ZNF862: variants seen among roughly 807,000 people sequenced by gnomAD.
The protein encoded by ZNF862 is zinc finger protein 862.
In ZNF862, 64 loss-of-function variants were observed where a neutral mutation model predicts 91.1. That is an observed-to-expected ratio of 0.70 (90% CI 0.57 to 0.87). The LOEUF (loss-of-function observed/expected upper bound fraction) is 0.87, where lower values mean the gene tolerates loss of function less well. Among genes scored for constraint, ZNF862 ranks in the 40% least tolerant of loss-of-function variants. The pLI is 0.00. For synonymous variants in ZNF862, 631 were observed against 618.1 expected (o/e 1.02, Z -0.31); for missense variants, 1,459 against 1,528.0 (o/e 0.95, Z 0.75).
intron 5 of ZNF862, among the ~76,000 whole-genome samples, chr7:149,852,923 T>C (rs1663589466): frequency 6.6e-6 from 1 of 152,088 alleles, no homozygotes; most frequent in Admixed American, 6.5e-5. Context: ...GGGAAGGCGT[T>C]GTGTCACTCA....
In ZNF862 at chr7:149,864,845, T is replaced by G. The variant is rs1802658522; in HGVS notation, c.*561T>G. ...AACTCTACCTCTTCCCAGGGCTTCCTTTAGGGCGAAACAATCACAAGCCCT... is the reference window on the plus strand; with the variant it reads ...AACTCTACCTCTTCCCAGGGCTTCCGTTAGGGCGAAACAATCACAAGCCCT... On this transcript the variant is annotated 3_prime_UTR_variant, in exon 8 of 8. Coordinates refer to ENST00000223210, the MANE Select transcript of ZNF862 (RefSeq NM_001099220.3). The G allele has an allele frequency of 6.5e-6, 1 of 153,096 alleles. No homozygotes were observed. Among genetic ancestry groups the G allele is most frequent in the African/African-American group, 2.4e-5 (1 of 41,434 alleles). 9.5% of individuals were successfully genotyped at this position (153,096 alleles called of 1,614,324 possible). A position where few individuals can be genotyped will look rare whatever the true frequency, so the allele number is the denominator to read the frequency against.
At position 149,864,355 on chromosome 7, in the gene ZNF862, G is replaced by A; in HGVS notation, c.*71G>A. 1 of 1,463,008 alleles carries A rather than the reference G, an allele frequency of 6.8e-7. No individual in the cohort carries two copies. The highest frequency in any genetic ancestry group is 1.3e-5 in the South Asian group (1 of 74,306). The allele number at this position is 1,463,008 out of a possible 1,614,324, so 90.6% of individuals were successfully genotyped here. A position where few individuals can be genotyped will look rare whatever the true frequency, so the allele number is the denominator to read the frequency against. On this transcript the variant is annotated 3_prime_UTR_variant, in exon 8 of 8. Coordinates refer to ENST00000223210, the MANE Select transcript of ZNF862 (RefSeq NM_001099220.3). ...ACTGGGACAGGCTCTGCAGATTCTA[G>A]GCTGCCCTAGGATCTTCTGCTGGTG...
intron 1 of ZNF862, among the ~76,000 whole-genome samples, chr7:149,838,935 C>T (rs974960596): frequency 1.1e-4 from 17 of 152,210 alleles, no homozygotes; most frequent in African/African-American, 3.9e-4. Flanking sequence ...CTGTTTTCCC[C>T]ACCACCTTCG....
chr7:149,841,121 C>CA (rs1320637003), intron 1 of ZNF862: 1 of 985,282 alleles, frequency 1.0e-6, no homozygotes, highest in Non-Finnish European at 1.2e-6. Context: ...AAAGTAATTA[C>CA]AAAACCAACT....
In ZNF862 at chr7:149,850,448, A is replaced by C. The variant is rs1286409878; in HGVS notation, c.1117+110A>C. 1 of 1,172,784 alleles carries C rather than the reference A, an allele frequency of 8.5e-7. No individual in the cohort carries two copies. The highest frequency in any genetic ancestry group is 1.2e-6 in the Non-Finnish European group (1 of 846,870). The allele number at this position is 1,172,784 out of a possible 1,614,324, so 72.6% of individuals were successfully genotyped here. A position where few individuals can be genotyped will look rare whatever the true frequency, so the allele number is the denominator to read the frequency against. On this transcript the variant is annotated intron_variant, in intron 5 of 7. Coordinates refer to ENST00000223210, the MANE Select transcript of ZNF862 (RefSeq NM_001099220.3). The surrounding 1 kb of genome is among the most constrained non-coding windows in gnomAD (Gnocchi z 4.2). ...CCATTCCTGCCCCCTCCCTGTGTGT[A>C]GGCAGAGACCGATCCTGTCTTTTGC... is the stretch of plus-strand genomic sequence containing the variant.
At chr7:149,846,704 A>T (rs1365547996) in intron 3 of ZNF862, among the ~76,000 whole-genome samples, 1 of 152,190 alleles carries the variant, frequency 6.6e-6, no homozygotes, top group African/African-American at 2.4e-5. Flanking sequence ...GCCAGGCCAG[A>T]TGACATCTTG....
In ZNF862 at chr7:149,865,718, T is replaced by C. The variant is rs1053754732; in HGVS notation, c.*1434T>C. 6.6e-6 allele frequency: 1 copy of C among 152,172 alleles called. No individual in the cohort carries two copies. Among genetic ancestry groups the C allele is most frequent in the Admixed American group, 6.5e-5 (1 of 15,282 alleles). 9.4% of individuals were successfully genotyped at this position (152,172 alleles called of 1,614,324 possible). On this transcript the variant is annotated 3_prime_UTR_variant, in exon 8 of 8. Coordinates refer to ENST00000223210, the MANE Select transcript of ZNF862 (RefSeq NM_001099220.3). Reference sequence around the variant, plus strand: ...GTTTCTCTGCCCTGCCTGATACTTGTTTTAAACAGGCAGGAAGTGGGCGCC... The same window carrying C: ...GTTTCTCTGCCCTGCCTGATACTTGCTTTAAACAGGCAGGAAGTGGGCGCC...
chr7:149,855,277 G>A lies in ZNF862; in HGVS notation c.1118-4145G>A, dbSNP rs1361552978. On this transcript the variant is annotated intron_variant, in intron 5 of 7. Coordinates refer to ENST00000223210, the MANE Select transcript of ZNF862 (RefSeq NM_001099220.3). This position sits in a 1 kb window ranked among gnomAD's most constrained non-coding sequence, Gnocchi z 4.1. ...TTTCTGTAAATTTGAAATTATATCA[G>A]AGATTTACCAAAAGGAAAATGTAGG... is the stretch of plus-strand genomic sequence containing the variant. 6.6e-6 allele frequency among the ~76,000 whole-genome samples: 1 copy of A among 152,134 alleles called. No homozygotes were observed. Among genetic ancestry groups the A allele is most frequent in the Non-Finnish European group, 1.5e-5 (1 of 68,034 alleles).
intron 7 of ZNF862, among the ~76,000 whole-genome samples, chr7:149,863,528 A>G (rs1802595292): frequency 6.6e-6 from 1 of 152,182 alleles, no homozygotes; most frequent in African/African-American, 2.4e-5. Context: ...CCTCACTGAT[A>G]AGAGAAAGGG....
intron 5 of ZNF862, among the ~76,000 whole-genome samples, chr7:149,854,529 C>T (rs542561539): frequency 6.6e-6 from 1 of 152,226 alleles, no homozygotes; most frequent in South Asian, 2.1e-4. Context: ...TTTCTGCTGC[C>T]CCATTTCAAA....
At chr7:149,847,246 G>A (rs187952252) in intron 3 of ZNF862, among the ~76,000 whole-genome samples, 27 of 152,308 alleles carry the variant, frequency 1.8e-4, no homozygotes, top group African/African-American at 5.8e-4. Flanking sequence ...AGAAGTATTC[G>A]AAGATAGATT....
chr7:149,859,287 C>G (rs1276396729), intron 5 of ZNF862, 135 bp from the exon 6 acceptor site: 3 of 834,002 alleles, frequency 3.6e-6, no homozygotes, highest in Non-Finnish European at 5.8e-6. Context: ...CTCAGCCTGC[C>G]CCTGGCCGAC....
At position 149,864,285 on chromosome 7, in the gene ZNF862, G is replaced by C. The variant is rs1466466836; in HGVS notation, c.*1G>C. 2 of 1,594,910 alleles carry C rather than the reference G, an allele frequency of 1.3e-6. No individual in the cohort carries two copies. Among genetic ancestry groups the C allele is most frequent in the Middle Eastern group, 2.1e-4 (1 of 4,664 alleles). Reference sequence around the variant, plus strand: ...CCAGGAGGCCCCCGGGATGTCCTGAGGGACAGGGAGTCCTTGGGACTGCCT... The same window carrying C: ...CCAGGAGGCCCCCGGGATGTCCTGACGGACAGGGAGTCCTTGGGACTGCCT... On this transcript the variant is annotated 3_prime_UTR_variant, in exon 8 of 8. Transcript: ENST00000223210.
In ZNF862 at chr7:149,861,965, G is replaced by C; in HGVS notation, c.2805G>C (p.Arg935Ser). ...VLTGIEYLQQ[R>S]FDADRPPQLK... is the part of the protein sequence containing the mutation. Reference sequence around the variant, plus strand: ...CGGGGATTGAGTACCTCCAGCAGAGGTTTGACGCAGACCGACCCCCACAGC... The same window carrying C: ...CGGGGATTGAGTACCTCCAGCAGAGCTTTGACGCAGACCGACCCCCACAGC... Residue 935 changes from arginine to serine, a missense_variant, in exon 7 of 8, where the codon AGG (arginine) becomes AGC (serine). Coordinates refer to ENST00000223210, the MANE Select transcript of ZNF862 (RefSeq NM_001099220.3). The surrounding 1 kb of genome is among the most constrained non-coding windows in gnomAD (Gnocchi z 6.7). 6.2e-7 allele frequency: 1 copy of C among 1,613,836 alleles called. No individual in the cohort carries two copies. The highest frequency in any genetic ancestry group is 2.2e-5 in the East Asian group (1 of 44,852).
chr7:149,862,300 AC>A lies in ZNF862; in HGVS notation c.3142del (p.Arg1048GlufsTer19), dbSNP rs1802542338. On this transcript the variant is annotated frameshift_variant, in exon 7 of 8. Coordinates refer to ENST00000223210, the MANE Select transcript of ZNF862 (RefSeq NM_001099220.3). LOFTEE classifies it high-confidence loss of function. ...TGTGAGCGGGGGTTCAAGGCCATGA[AC>A]CGAATCAGGACCGATGAGAGGACCA... ...SCCERGFKAM[N>X]RIRTDERTKL... is the part of the protein sequence containing the mutation. 6.2e-7 allele frequency: 1 copy of A among 1,613,452 alleles called. No individual in the cohort carries two copies. Among genetic ancestry groups the A allele is most frequent in the Non-Finnish European group, 8.5e-7 (1 of 1,179,788 alleles).
In ZNF862 at chr7:149,847,898, G is replaced by A. The variant is rs1171790982; in HGVS notation, c.405G>A (p.Lys135=). 3.1e-6 allele frequency: 5 copies of A among 1,607,820 alleles called. No homozygotes were observed. Among genetic ancestry groups the A allele is most frequent in the Non-Finnish European group, 4.2e-6 (5 of 1,176,882 alleles). Residue 135 remains lysine (K), a synonymous_variant, in exon 4 of 8, where the codon AAG becomes AAA. Transcript: ENST00000223210. ...CCGGAAGAAACAGGAAACTTCTGAAGCCCCGGTCCATCCAGAAGTCGTGGT... is the reference window on the plus strand; with the variant it reads ...CCGGAAGAAACAGGAAACTTCTGAAACCCCGGTCCATCCAGAAGTCGTGGT... ...DWAGRNRKLL[K]PRSIQKSWFV... is the part of the protein sequence containing the mutation.
At chr7:149,859,577 G>A in intron 6 of ZNF862, 51 bp downstream of exon 6, 2 of 1,421,902 alleles carry the variant, frequency 1.4e-6, no homozygotes, top group Non-Finnish European at 1.9e-6. Flanking sequence ...GGCCCAGGCG[G>A]CTATGATGAG....
In ZNF862 at chr7:149,855,606, C is replaced by T. The variant is rs1458940161; in HGVS notation, c.1118-3816C>T. Among the ~76,000 whole-genome samples, 1 of 152,198 alleles carries T rather than the reference C, an allele frequency of 6.6e-6. No individual in the cohort carries two copies. The highest frequency in any genetic ancestry group is 2.4e-5 in the African/African-American group (1 of 41,430). On this transcript the variant is annotated intron_variant, in intron 5 of 7. Transcript: ENST00000223210. The surrounding 1 kb of genome is among the most constrained non-coding windows in gnomAD (Gnocchi z 4.1). ...CTTCTTTGGGTGTTTGTGGGTTCTGCAGTACCCCCAACAGGCACTGAGACC... is the reference window on the plus strand; with the variant it reads ...CTTCTTTGGGTGTTTGTGGGTTCTGTAGTACCCCCAACAGGCACTGAGACC...
chr7:149,842,141 C>T (rs1208156096), intron 1 of ZNF862, among the ~76,000 whole-genome samples: 1 of 152,014 alleles, frequency 6.6e-6, no homozygotes, highest in Non-Finnish European at 1.5e-5. Flanking sequence ...ACGTGAATCG[C>T]GACTTTATGG....
Sources: gnomAD v4.1 joint callset for allele counts (sites outside exome capture counted in the v4.1 genomes callset) on GRCh38, gnomAD v4.1.1 for gene constraint, Gnocchi (gnomAD v3.1) non-coding constraint, MANE v1.5 for transcripts, NCBI Gene and HGNC (gene_info 2026-07-23, HGNC 2026-07-21) for gene names.